The following AMBRA1 variants were observed in gnomAD, a reference collection of about 807,000 sequenced individuals.
The protein encoded by AMBRA1 is activating molecule in BECN1-regulated autophagy protein 1.
A neutral mutation model predicts 125.4 loss-of-function variants in AMBRA1; 47 were observed. That is an observed-to-expected ratio of 0.37 (90% CI 0.30 to 0.48). The LOEUF (loss-of-function observed/expected upper bound fraction) is 0.48. Among genes scored for constraint, AMBRA1 ranks in the 20% least tolerant of loss-of-function variants. The probability of loss-of-function intolerance (pLI) is 0.99; values close to 1 mark genes in which losing one functional copy is unlikely to be tolerated. For synonymous variants in AMBRA1, 626 were observed against 655.5 expected, an observed-to-expected ratio of 0.95 and a Z score of 0.69; for missense variants, 1,331 against 1,693.4, an observed-to-expected ratio of 0.79 and a Z score of 3.76.
At chr11:46,566,421 A>G (rs1033491731) in intron 1 of AMBRA1, among the ~76,000 whole-genome samples, 12 of 144,732 alleles carry the variant, frequency 8.3e-5, no homozygotes, top group East Asian at 3.9e-4. Flanking sequence ...ACATCTCAAG[A>G]AAAAAAAAAA....
rs34321655 is a variant in AMBRA1, at chr11:46,425,310, TTGTGTGTGTGTGTG to T, written c.2977-7272_2977-7259del. On this transcript the variant is annotated intron_variant, in intron 14 of 17. Coordinates refer to ENST00000683756, the MANE Select transcript of AMBRA1 (RefSeq NM_001387011.1). ...CTTCTGTATCTTTTGCTTGATCCAT[TTGTGTGTGTGTGTG>T]TGTGTGTGTGTGTGTGTGTGTGTGT... Among the ~76,000 whole-genome samples the T allele has an allele frequency of 5.0e-3, 675 of 135,590 alleles. 1 individual carries two copies. The highest frequency in any genetic ancestry group is 7.2e-3 in the Non-Finnish European group (465 of 64,482). 89.0% of individuals were successfully genotyped at this position (135,590 alleles called of 152,430 possible).
In AMBRA1 at chr11:46,412,917, C is replaced by CA. The variant is rs1946364458; in HGVS notation, c.3117-2550_3117-2549insT. Among the ~76,000 whole-genome samples the CA allele has an allele frequency of 2.0e-5, 3 of 152,344 alleles. No individual in the cohort carries two copies. The South Asian group carries it at 6.2e-4, about 32-fold the overall frequency. On this transcript the variant is annotated intron_variant, in intron 15 of 17. Coordinates refer to ENST00000683756, the MANE Select transcript of AMBRA1 (RefSeq NM_001387011.1). ...TATGTGAAGCTGGCTGCCAGGAAGA[C>CA]TGATTTACAAACTTGTCAAGATGTA...
intron 11 of AMBRA1, among the ~76,000 whole-genome samples, chr11:46,467,870 A>G (rs1949394876): frequency 6.6e-6 from 1 of 152,098 alleles, no homozygotes. Flanking sequence ...AGATAAACAC[A>G]CATGTTCATT....
chr11:46,583,677 A>AAAAAAAAAAAAAAAAAC (rs1565324615), intron 1 of AMBRA1, among the ~76,000 whole-genome samples: 7 of 143,828 alleles, frequency 4.9e-5, no homozygotes, highest in African/African-American at 1.9e-4. Flanking sequence ...AAAAAAAAAA[A>AAAAAAAAAAAAAAAAAC]AACAACAAAA....
chr11:46,415,455 G>A (rs763903350), intron 15 of AMBRA1, among the ~76,000 whole-genome samples: 3 of 152,214 alleles, frequency 2.0e-5, no homozygotes, highest in South Asian at 2.1e-4. Context: ...AGTGAAAAGC[G>A]CTCTGGATAG....
chr11:46,564,016 T>C (rs994116531), intron 1 of AMBRA1, among the ~76,000 whole-genome samples: 4 of 151,612 alleles, frequency 2.6e-5, no homozygotes, highest in African/African-American at 9.7e-5. Context: ...TGGTGGCGCA[T>C]GCCTGTAATC....
At chr11:46,585,491 G>A (rs1251501697) in intron 1 of AMBRA1, among the ~76,000 whole-genome samples, 2 of 147,662 alleles carry the variant, frequency 1.4e-5, no homozygotes, top group African/African-American at 5.0e-5. Context: ...CATGGTGAAA[G>A]CCCGACTCTA....
At chr11:46,439,952 A>C (rs1260931699) in intron 12 of AMBRA1, among the ~76,000 whole-genome samples, 1 of 152,162 alleles carries the variant, frequency 6.6e-6, no homozygotes, top group Non-Finnish European at 1.5e-5. Flanking sequence ...AAATATCCAA[A>C]AATTTGATAG....
chr11:46,485,225 C>A (rs192887770), intron 11 of AMBRA1, among the ~76,000 whole-genome samples: 34 of 152,244 alleles, frequency 2.2e-4, no homozygotes, highest in Admixed American at 2.0e-3. Flanking sequence ...GGCGTGAGCC[C>A]CTATGCCCGG....
intron 7 of AMBRA1, among the ~76,000 whole-genome samples, chr11:46,523,434 C>T (rs779293666): frequency 1.3e-5 from 2 of 152,124 alleles, no homozygotes; most frequent in Non-Finnish European, 2.9e-5. Flanking sequence ...CCACTCTCCT[C>T]CCCCGTTCCC....
intron 5 of AMBRA1, among the ~76,000 whole-genome samples, chr11:46,545,161 C>CGGGGGGGGG (rs59510298): frequency 3.0e-5 from 1 of 33,750 alleles, no homozygotes; most frequent in African/African-American, 1.1e-4. Flanking sequence ...AAAAAAAAGC[C>CGGGGGGGGG]GGGGGGGGGG....
intron 14 of AMBRA1, among the ~76,000 whole-genome samples, chr11:46,419,889 C>A (rs1373491929): frequency 6.6e-6 from 1 of 151,906 alleles, no homozygotes; most frequent in Non-Finnish European, 1.5e-5. Context: ...AAGTGATAAG[C>A]AGCCCTGGAT....
intron 11 of AMBRA1, among the ~76,000 whole-genome samples, chr11:46,487,342 T>C (rs1293779496): frequency 6.6e-6 from 1 of 151,932 alleles, no homozygotes; most frequent in African/African-American, 2.4e-5. Flanking sequence ...TAAATTGTTG[T>C]TAACCAAAAA....
At chr11:46,399,080 A>G (rs1408335396) in intron 17 of AMBRA1, among the ~76,000 whole-genome samples, 1 of 148,808 alleles carries the variant, frequency 6.7e-6, no homozygotes, top group Non-Finnish European at 1.5e-5. Flanking sequence ...GGCCATATTT[A>G]TTTATTTTTT....
Position 46,500,531 on chromosome 11 carries a change from T to C in AMBRA1, c.2340-6327A>G, listed in dbSNP as rs531523499. ...ATCAGAGTTAGCTGCCTAAAATATA[T>C]ATTGGATGATGGCTGGCCTGAGACA... is the stretch of plus-strand genomic sequence containing the variant. On this transcript the variant is annotated intron_variant, in intron 9 of 17. Coordinates refer to ENST00000683756, the MANE Select transcript of AMBRA1 (RefSeq NM_001387011.1). Among the ~76,000 whole-genome samples the C allele has an allele frequency of 2.6e-5, 4 of 152,316 alleles. No individual in the cohort carries two copies. The East Asian group carries it at 7.7e-4, about 29-fold the overall frequency.
intron 9 of AMBRA1, among the ~76,000 whole-genome samples, chr11:46,507,009 CAAAAAAA>C (rs1195308304): frequency 2.5e-5 from 2 of 79,884 alleles, no homozygotes; most frequent in South Asian, 3.6e-4. Context: ...ACTAAAAATA[CAAAAAAA>C]AAAAAAAAAA....
intron 11 of AMBRA1, among the ~76,000 whole-genome samples, chr11:46,448,659 C>T (rs1948430084): frequency 6.6e-6 from 1 of 151,964 alleles, no homozygotes; most frequent in Non-Finnish European, 1.5e-5. Flanking sequence ...ATCAATAAAA[C>T]CAAAAACTTT....
intron 15 of AMBRA1, among the ~76,000 whole-genome samples, chr11:46,414,044 G>C (rs879704770): frequency 6.6e-6 from 1 of 152,024 alleles, no homozygotes; most frequent in Admixed American, 6.5e-5. Context: ...TGTGCTTCTG[G>C]GCCTGGCTCA....
At chr11:46,520,894 C>T (rs1463224076) in intron 7 of AMBRA1, among the ~76,000 whole-genome samples, 3 of 152,076 alleles carry the variant, frequency 2.0e-5, no homozygotes, top group Admixed American at 2.0e-4. Flanking sequence ...CGTGAGCCAC[C>T]GCGCCCGGCC....
Sources: allele counts gnomAD v4.1 joint callset (sites outside exome capture counted in the v4.1 genomes callset), GRCh38; gene constraint gnomAD v4.1.1; transcripts MANE v1.5; gene names NCBI Gene and HGNC (gene_info 2026-07-23, HGNC 2026-07-21).